Variants in ZFHX3 observed in about 807,000 individuals in gnomAD.
ZFHX3 encodes the protein zinc finger homeobox 3.
In ZFHX3, 42 loss-of-function variants were observed where a neutral mutation model predicts 279.1. That is an observed-to-expected ratio of 0.15 (90% confidence interval 0.12 to 0.19). The LOEUF is 0.19. Ranked by LOEUF, ZFHX3 falls within the 10% of genes least tolerant of loss-of-function variation. The pLI, the probability that ZFHX3 is intolerant of heterozygous loss-of-function variation, is 1.00. For synonymous variants in ZFHX3, 2,293 were observed against 1,957.8 expected, an observed-to-expected ratio of 1.17 and a Z score of -4.52; for missense variants, 4,981 against 4,754.0, an observed-to-expected ratio of 1.05 and a Z score of -1.40.
chr16:73,235,059 TTTTC>T (rs1314956514), intron 5 of ZFHX3, among the ~76,000 whole-genome samples: 2 of 152,154 alleles, frequency 1.3e-5, no homozygotes, highest in African/African-American at 4.8e-5. Flanking sequence ...TTTACTTACT[TTTTC>T]TTTCTTTATT....
intron 2 of ZFHX3, among the ~76,000 whole-genome samples, chr16:73,677,823 A>G (rs2052969943): frequency 6.6e-6 from 1 of 152,058 alleles, no homozygotes; most frequent in Non-Finnish European, 1.5e-5. Flanking sequence ...ATACTAGTAT[A>G]TAATATGCAG....
At chr16:72,862,444 G>A (rs1166786013) in intron 4 of ZFHX3, among the ~76,000 whole-genome samples, 2 of 152,234 alleles carry the variant, frequency 1.3e-5, no homozygotes, top group Non-Finnish European at 2.9e-5. Context: ...AATATTTAAT[G>A]AGGAAAGCTT....
intron 9 of ZFHX3, among the ~76,000 whole-genome samples, chr16:72,791,870 G>C (rs1415790513): frequency 1.3e-5 from 2 of 152,172 alleles, no homozygotes; most frequent in Non-Finnish European, 2.9e-5. Context: ...CTTATGTTTG[G>C]TAAAACACCA....
chr16:73,330,442 A>G (rs2015779678), intron 3 of ZFHX3, among the ~76,000 whole-genome samples: 1 of 152,194 alleles, frequency 6.6e-6, no homozygotes, highest in Non-Finnish European at 1.5e-5. Flanking sequence ...AGTGAAGGCA[A>G]CAATTCATGC....
At chr16:73,038,671 C>G (rs1964999757) in intron 1 of ZFHX3, among the ~76,000 whole-genome samples, 1 of 149,572 alleles carries the variant, frequency 6.7e-6, no homozygotes, top group Non-Finnish European at 1.5e-5. Flanking sequence ...TACATATAAG[C>G]TTGTACTCTC....
At chr16:73,531,906 T>C (rs116815918) in intron 2 of ZFHX3, among the ~76,000 whole-genome samples, 110 of 150,880 alleles carry the variant, frequency 7.3e-4, no homozygotes, top group African/African-American at 2.6e-3. Flanking sequence ...CTGGGCAACA[T>C]AGTGAGACCC....
In ZFHX3 at chr16:73,591,316, G is replaced by C. The variant is rs556449140; in HGVS notation, c.-1547+88864C>G. Among the ~76,000 whole-genome samples the C allele has an allele frequency of 2.0e-5, 3 of 151,706 alleles. No homozygotes were observed. In the East Asian group the frequency reaches 5.8e-4, roughly 29 times the overall value. On this transcript the variant is annotated intron_variant, in intron 2 of 17. Transcript: ENST00000641206. Reference sequence around the variant, plus strand: ...TGCTGTGAGCCAAGATGGCAGCACCGCACTCCAGCCTGGGTGACAAAGCAA... The same window carrying C: ...TGCTGTGAGCCAAGATGGCAGCACCCCACTCCAGCCTGGGTGACAAAGCAA...
At chr16:72,942,245 G>T (rs1332976573) in intron 3 of ZFHX3, among the ~76,000 whole-genome samples, 3 of 152,208 alleles carry the variant, frequency 2.0e-5, no homozygotes, top group Non-Finnish European at 2.9e-5. Context: ...CTGCCATATT[G>T]GCTTTCCTGC....
chr16:73,069,121 G>A (rs1965792855), intron 8 of ZFHX3, among the ~76,000 whole-genome samples: 1 of 152,350 alleles, frequency 6.6e-6, no homozygotes. Context: ...AGGCCCACAC[G>A]GAGAGGTTGC....
chr16:72,839,195 TCC>T (rs367871394), intron 4 of ZFHX3, among the ~76,000 whole-genome samples: 1 of 146,790 alleles, frequency 6.8e-6, no homozygotes. Context: ...ATCTCTCCCT[TCC>T]CCCCCCCATT....
chr16:73,501,428 G>GAA lies in ZFHX3; in HGVS notation c.-1546-45172_-1546-45171dup, dbSNP rs796374329. On this transcript the variant is annotated intron_variant, in intron 2 of 17. Transcript: ENST00000641206. ...GAAAAGCTACCCCAGCACATCTCAAGAAAAAAAGCGTACCATACAGGCTCT... is the reference window on the plus strand; with the variant it reads ...GAAAAGCTACCCCAGCACATCTCAAGAAAAAAAAAGCGTACCATACAGGCTCT... Among the ~76,000 whole-genome samples, 23 of 152,222 alleles carry GAA rather than the reference G, an allele frequency of 1.5e-4. 1 individual carries two copies. The highest frequency in any genetic ancestry group is 4.8e-4 in the African/African-American group (20 of 41,528).
At chr16:73,657,778 C>T (rs1324285025) in intron 2 of ZFHX3, among the ~76,000 whole-genome samples, 1 of 152,114 alleles carries the variant, frequency 6.6e-6, no homozygotes, top group Non-Finnish European at 1.5e-5. Context: ...TGTGTCAGTA[C>T]CTCATTTCTT....
At chr16:73,325,516 T>C (rs747628773) in intron 3 of ZFHX3, among the ~76,000 whole-genome samples, 1 of 152,046 alleles carries the variant, frequency 6.6e-6, no homozygotes, top group Non-Finnish European at 1.5e-5. Flanking sequence ...ATGGATCATA[T>C]CCATTCTTAT....
intron 7 of ZFHX3, among the ~76,000 whole-genome samples, chr16:72,805,143 A>AT (rs959071920): frequency 8.6e-4 from 127 of 147,890 alleles, no homozygotes; most frequent in Admixed American, 2.1e-3. Flanking sequence ...ACGCCCAGCT[A>AT]TTTTTTTTTT....
At chr16:73,034,074 G>A (rs1293977581) in intron 1 of ZFHX3, among the ~76,000 whole-genome samples, 2 of 151,542 alleles carry the variant, frequency 1.3e-5, no homozygotes, top group African/African-American at 4.9e-5. Flanking sequence ...TCACTTCTGG[G>A]TGAACAAGAA....
intron 3 of ZFHX3, chr16:73,419,994 C>G (rs1333151735): frequency 6.6e-6 from 1 of 151,696 alleles, no homozygotes; most frequent in Non-Finnish European, 1.5e-5. Context: ...GAAGTCTCGA[C>G]CTCCTGAGCT....
intron 8 of ZFHX3, among the ~76,000 whole-genome samples, chr16:73,078,525 T>G (rs1193422067): frequency 1.3e-5 from 2 of 152,222 alleles, no homozygotes. Flanking sequence ...AGCCTGAAAT[T>G]TAAGTTCCTT....
chr16:73,341,563 T>A (rs1434529230), intron 3 of ZFHX3, among the ~76,000 whole-genome samples: 1 of 152,130 alleles, frequency 6.6e-6, no homozygotes. Flanking sequence ...GAAATTCTAC[T>A]CCTAGATGTA....
chr16:72,956,771 G>C (rs368103036), intron 2 of ZFHX3, among the ~76,000 whole-genome samples: 2 of 151,818 alleles, frequency 1.3e-5, no homozygotes, highest in South Asian at 2.1e-4. Flanking sequence ...TGCCACTGGG[G>C]AATTTAATTC....
Sources: gnomAD v4.1 joint callset for allele counts (sites outside exome capture counted in the v4.1 genomes callset) on GRCh38, gnomAD v4.1.1 for gene constraint, MANE v1.5 for transcripts, NCBI Gene and HGNC (gene_info 2026-07-23, HGNC 2026-07-21) for gene names.